FARP1: variants seen among roughly 807,000 people sequenced by gnomAD.
FARP1 encodes the protein FERM, ARH/RhoGEF and pleckstrin domain protein 1, also known as FERM, ARHGEF and pleckstrin domain-containing protein 1.
Under a neutral mutation model 128.8 loss-of-function variants are expected in FARP1, and 52 were observed. The ratio of observed to expected loss-of-function variants is 0.40; its 90% CI spans 0.32 to 0.51. The LOEUF (loss-of-function observed/expected upper bound fraction) is 0.51. Ranked by LOEUF, FARP1 falls within the 20% of genes least tolerant of loss-of-function variation. The probability of loss-of-function intolerance (pLI) is 0.45; values close to 1 mark genes in which losing one functional copy is unlikely to be tolerated. For synonymous variants in FARP1, 580 were observed against 551.8 expected, an observed-to-expected ratio of 1.05 and a Z score of -0.72; for missense variants, 1,333 against 1,367.9, an observed-to-expected ratio of 0.97 and a Z score of 0.40.
intron 1 of FARP1, among the ~76,000 whole-genome samples, chr13:98,148,609 A>C (rs1373835648): frequency 3.3e-5 from 5 of 152,114 alleles, no homozygotes; most frequent in African/African-American, 9.7e-5. Flanking sequence ...TCTGGGATAC[A>C]TTTTCCTTCT....
At position 98,451,186 on chromosome 13, in the gene FARP1, T is replaced by C. The variant is rs1298789148; in HGVS notation, c.*2869T>C. On this transcript the variant is annotated 3_prime_UTR_variant, in exon 27 of 27. Transcript: ENST00000319562. Reference sequence around the variant, plus strand: ...GAACTCTGTAAATCAGAAAAGCTGCTGTCCGCCCTGGCTCACTTAAAAATC... The same window carrying C: ...GAACTCTGTAAATCAGAAAAGCTGCCGTCCGCCCTGGCTCACTTAAAAATC... 1.3e-5 allele frequency: 2 copies of C among 152,218 alleles called. No individual in the cohort carries two copies. Among genetic ancestry groups the C allele is most frequent in the African/African-American group, 4.8e-5 (2 of 41,438 alleles). The allele number at this position is 152,218 out of a possible 1,614,324, so 9.4% of individuals were successfully genotyped here.
chr13:98,249,755 A>G (rs1883235589), intron 2 of FARP1, among the ~76,000 whole-genome samples: 1 of 152,204 alleles, frequency 6.6e-6, no homozygotes, highest in Non-Finnish European at 1.5e-5. Flanking sequence ...TGAGCATTAT[A>G]GAAGAAAAAA....
chr13:98,395,580 A>ATCCCGGTCCCGATCCCGG (rs1890499590), intron 13 of FARP1, 104 bp downstream of exon 13: 4 of 1,365,576 alleles, frequency 2.9e-6, no homozygotes, highest in African/African-American at 1.5e-5. Flanking sequence ...AAGCGTCCCG[A>ATCCCGGTCCCGATCCCGG]TCCCGGTCCC....
At chr13:98,445,415 C>T (rs1892763619) in intron 24 of FARP1, 1 of 152,192 alleles carries the variant, frequency 6.6e-6, no homozygotes, top group Non-Finnish European at 1.5e-5. Flanking sequence ...CCTGTCCCTG[C>T]CCCCTAGCTG....
At chr13:98,357,885 TA>T (rs1260229437) in intron 3 of FARP1, among the ~76,000 whole-genome samples, 10 of 152,198 alleles carry the variant, frequency 6.6e-5, no homozygotes, top group Admixed American at 5.9e-4. Context: ...ATTTGGTTTT[TA>T]AGACTTGTTA....
At chr13:98,417,043 G>A (rs1447796178) in intron 16 of FARP1, among the ~76,000 whole-genome samples, 3 of 152,218 alleles carry the variant, frequency 2.0e-5, no homozygotes, top group Non-Finnish European at 4.4e-5. Flanking sequence ...AAGGCTCTGT[G>A]AGACAGTGAG....
intron 1 of FARP1, among the ~76,000 whole-genome samples, chr13:98,211,442 A>T (rs189127410): frequency 5.0e-4 from 74 of 146,878 alleles, no homozygotes; most frequent in Non-Finnish European, 8.4e-4. Context: ...CATTGCCTCT[A>T]CTTTGTCTGT....
intron 17 of FARP1, among the ~76,000 whole-genome samples, chr13:98,427,374 T>C (rs1488575893): frequency 6.6e-6 from 1 of 152,212 alleles, no homozygotes; most frequent in Non-Finnish European, 1.5e-5. Context: ...ATCTTTTCCC[T>C]CGTTTCACAT....
intron 2 of FARP1, among the ~76,000 whole-genome samples, chr13:98,238,398 A>G (rs1337378867): frequency 6.6e-6 from 1 of 152,250 alleles, no homozygotes; most frequent in Non-Finnish European, 1.5e-5. Flanking sequence ...GTAAGAATAC[A>G]GTAATAATAC....
At position 98,425,730 on chromosome 13, in the gene FARP1, A is replaced by G. The variant is rs1891762560; in HGVS notation, c.1905+1080A>G. Among the ~76,000 whole-genome samples, 4 of 152,190 alleles carry G rather than the reference A, an allele frequency of 2.6e-5. No individual in the cohort carries two copies. The South Asian group carries it at 6.2e-4, about 24-fold the overall frequency. The stretch of plus-strand genomic sequence containing the variant: ...AATCATCCAGCAATATCTACAATCA[A>G]TGACATAAAAGTGAAAGTATATCCA... On this transcript the variant is annotated intron_variant, in intron 17 of 26. Coordinates refer to ENST00000319562, the MANE Select transcript of FARP1 (RefSeq NM_005766.4).
chr13:98,206,849 T>C (rs1880302896), intron 1 of FARP1, among the ~76,000 whole-genome samples: 1 of 152,208 alleles, frequency 6.6e-6, no homozygotes, highest in African/African-American at 2.4e-5. Flanking sequence ...ATCACTTTAG[T>C]AATAAGGTAT....
chr13:98,207,707 G>A (rs886430857), intron 1 of FARP1, among the ~76,000 whole-genome samples: 15 of 152,042 alleles, frequency 9.9e-5, no homozygotes, highest in African/African-American at 3.6e-4. Context: ...ACCAAAGTAC[G>A]AAAAGTGCAT....
At chr13:98,279,714 C>G (rs1032791600) in intron 2 of FARP1, among the ~76,000 whole-genome samples, 17 of 152,188 alleles carry the variant, frequency 1.1e-4, no homozygotes, top group Non-Finnish European at 1.5e-5. Context: ...ATGTCAGGGA[C>G]ATCACCATTG....
At chr13:98,420,643 TC>T (rs1480815942) in intron 16 of FARP1, among the ~76,000 whole-genome samples, 1 of 152,210 alleles carries the variant, frequency 6.6e-6, no homozygotes, top group East Asian at 1.9e-4. Context: ...TACATGGTTT[TC>T]CTAAGTGAAA....
At chr13:98,382,252 T>C (rs1419806370) in intron 6 of FARP1, 5 of 152,090 alleles carry the variant, frequency 3.3e-5, no homozygotes, top group African/African-American at 1.2e-4. Context: ...AGTCAGATTT[T>C]GAGTATGTGT....
chr13:98,316,985 C>T (rs1299148721), intron 2 of FARP1, among the ~76,000 whole-genome samples: 1 of 152,136 alleles, frequency 6.6e-6, no homozygotes, highest in African/African-American at 2.4e-5. Flanking sequence ...CTGAAATCAC[C>T]CCCAGAATTA....
chr13:98,327,316 C>A (rs1361220757), intron 2 of FARP1, among the ~76,000 whole-genome samples: 3 of 152,076 alleles, frequency 2.0e-5, no homozygotes, highest in Admixed American at 6.5e-5. Flanking sequence ...TAAAATGTGT[C>A]ATCGAAACCC....
chr13:98,216,991 G>C (rs1473322742), intron 2 of FARP1, among the ~76,000 whole-genome samples: 1 of 152,116 alleles, frequency 6.6e-6, no homozygotes, highest in Non-Finnish European at 1.5e-5. Flanking sequence ...AGTGACTCTT[G>C]GGCATCTGAA....
rs150061718 is a variant in FARP1 at position 98,385,747 on chromosome 13, C to T, written c.692C>T (p.Pro231Leu). The change falls in exon 8 of 27, where the codon CCG (proline) becomes CTG (leucine). Residue 231 changes from proline (P) to leucine (L), a missense_variant. By Grantham distance (98) the Pro-to-Leu change is moderately conservative. Coordinates refer to ENST00000319562, the MANE Select transcript of FARP1 (RefSeq NM_005766.4). ...GAGATGTATGGAATCCGGTTGCACCCGGCCAAGGACAGGGAAGGCACGAAG... is the reference window on the plus strand; with the variant it reads ...GAGATGTATGGAATCCGGTTGCACCTGGCCAAGGACAGGGAAGGCACGAAG... ...RLEMYGIRLH[P>L]AKDREGTKIN... is the part of the protein sequence containing the mutation. 1,340 of 1,614,154 alleles carry T rather than the reference C, an allele frequency of 8.3e-4. 8 individuals carry two copies. The highest frequency in any genetic ancestry group is 1.0e-3 in the South Asian group (93 of 91,070).
Sources: gnomAD v4.1 joint callset for allele counts (sites outside exome capture counted in the v4.1 genomes callset) on GRCh38, gnomAD v4.1.1 for gene constraint, MANE v1.5 for transcripts, NCBI Gene and HGNC (gene_info 2026-07-23, HGNC 2026-07-21) for gene names.